PIH1D1: variants seen among roughly 807,000 people sequenced by gnomAD.
PIH1D1 encodes the protein PIH1 domain-containing protein 1.
In PIH1D1, 28 loss-of-function variants were observed where a neutral mutation model predicts 38.5. The observed-to-expected ratio is 0.73, with a 90% CI of 0.54 to 1.00. PIH1D1 has a LOEUF of 1.00. Among genes scored for constraint, PIH1D1 ranks in the 50% least tolerant of loss-of-function variants. The pLI is 0.00. For synonymous variants in PIH1D1, 155 were observed against 153.5 expected (o/e 1.01, Z -0.07); for missense variants, 343 against 369.9 (o/e 0.93, Z 0.60).
rs762937407 is a variant in PIH1D1, at chr19:49,446,647, C to T, written c.735G>A (p.Val245=). The change falls in exon 8 of 9, where the codon GTG becomes GTA. Residue 245 remains valine (V), a synonymous_variant. Coordinates refer to ENST00000262265, the MANE Select transcript of PIH1D1 (RefSeq NM_017916.3). The part of the protein sequence containing the change: ...LSLEIGENRL[V]MGGPQQLYHL... ...GATACAGCTGCTGGGGGCCCCCCAT[C>T]ACCAGGCGGTTCTCCCCGATCTCCA... 6.2e-7 allele frequency: 1 copy of T among 1,601,632 alleles called. No homozygotes were observed. Among genetic ancestry groups the T allele is most frequent in the African/African-American group, 1.3e-5 (1 of 74,398 alleles).
intron 6 of PIH1D1, 102 bp from the exon 7 acceptor site, chr19:49,447,201 C>A: frequency 6.7e-7 from 1 of 1,485,978 alleles, no homozygotes; most frequent in Non-Finnish European, 9.2e-7. Context: ...CTCAGGACGC[C>A]TTCCCAGTCA....
At chr19:49,446,816 G>A in intron 7 of PIH1D1, 122 bp from the exon 8 acceptor site, 1 of 1,208,826 alleles carries the variant, frequency 8.3e-7, no homozygotes, top group Non-Finnish European at 1.2e-6. Flanking sequence ...GGAAGAGACA[G>A]AAGACAGCAA....
intron 1 of PIH1D1, 101 bp downstream of exon 1, chr19:49,451,384 C>T: frequency 1.3e-6 from 2 of 1,536,254 alleles, no homozygotes; most frequent in Non-Finnish European, 1.8e-6. Flanking sequence ...TCCCCGAGGC[C>T]TGGTTCCCGC....
chr19:49,451,417 A>C, intron 1 of PIH1D1, 68 bp downstream of exon 1: 1 of 1,601,600 alleles, frequency 6.2e-7, no homozygotes, highest in Non-Finnish European at 8.5e-7. Flanking sequence ...TGGGAACTGC[A>C]GTCCCATCTT....
rs906842778 is a variant in PIH1D1 at position 49,449,609 on chromosome 19, T to C, written c.203A>G (p.Asn68Ser). 6.2e-7 allele frequency: 1 copy of C among 1,614,132 alleles called. No homozygotes were observed. The highest frequency in any genetic ancestry group is 8.5e-7 in the Non-Finnish European group (1 of 1,180,014). The stretch of plus-strand genomic sequence containing the variant: ...AGGGATAGAGGGGGAGTGGCAGATG[T>C]TGATGAAAACCTTCCCTTCCGAGGA... The part of the protein sequence containing the change: ...TNSSEGKVFI[N>S]ICHSPSIPPP... Residue 68 changes from asparagine to serine, a missense_variant, in exon 3 of 9, where the codon AAC (asparagine) becomes AGC (serine). Transcript: ENST00000262265.
At chr19:49,446,957 A>G in intron 7 of PIH1D1, 67 bp downstream of exon 7, 1 of 1,348,312 alleles carries the variant, frequency 7.4e-7, no homozygotes, top group Non-Finnish European at 1.1e-6. Context: ...TGTCACTCAC[A>G]CTCAGAGACA....
chr19:49,447,674 G>T, intron 5 of PIH1D1, 153 bp downstream of exon 5: 1 of 962,292 alleles, frequency 1.0e-6, no homozygotes, highest in Non-Finnish European at 1.6e-6. Flanking sequence ...AGATGTTCCT[G>T]GCCCCGCCCC....
At chr19:49,451,024 T>TA in intron 1 of PIH1D1, 176 bp from the exon 2 acceptor site, 211 of 892,514 alleles carry the variant, frequency 2.4e-4, no homozygotes, top group Non-Finnish European at 3.0e-4. Flanking sequence ...CATTCCCATT[T>TA]CTTTTTTTTT....
intron 1 of PIH1D1, 191 bp from the exon 2 acceptor site, chr19:49,451,039 T>TC: frequency 2.6e-6 from 3 of 1,165,306 alleles, no homozygotes; most frequent in Non-Finnish European, 3.5e-6. Flanking sequence ...TTTTTTTTTT[T>TC]TTTTTTTGGA....
Position 49,447,838 on chromosome 19 carries a change from T to A in PIH1D1, c.470A>T (p.Gln157Leu). The A allele has an allele frequency of 6.2e-7, 1 of 1,614,156 alleles. No homozygotes were observed. The highest frequency in any genetic ancestry group is 8.5e-7 in the Non-Finnish European group (1 of 1,179,982). ...GACCTGCCCCTCACCCGGATTCAGC[T>A]GCAAGTTGTATTTGTCCTCAAGGCC... is the stretch of plus-strand genomic sequence containing the variant. ...REGLEDKYNL[Q>L]LNPEWRMMKN... Residue 157 changes from glutamine to leucine, a missense_variant, in exon 5 of 9, where the codon CAG becomes CTG. Coordinates refer to ENST00000262265, the MANE Select transcript of PIH1D1 (RefSeq NM_017916.3).
In PIH1D1 at chr19:49,446,603, G is replaced by T. The variant is rs753878549; in HGVS notation, c.779C>A (p.Pro260Gln). ...QQLYHLDAYI[P>Q]LQINSHESKA... ...GCTCTCATGAGAGTTGATCTGCAGC[G>T]GGATATAAGCGTCTAGATGATACAG... The change falls in exon 8 of 9, where the codon CCG becomes CAG. Residue 260 changes from proline to glutamine, a missense_variant. By Grantham distance (76) the Pro-to-Gln change is moderately conservative. Transcript: ENST00000262265. The T allele has an allele frequency of 1.9e-6, 3 of 1,613,954 alleles. No homozygotes were observed. Among genetic ancestry groups the T allele is most frequent in the Non-Finnish European group, 1.7e-6 (2 of 1,179,938 alleles).
intron 7 of PIH1D1, 97 bp downstream of exon 7, chr19:49,446,927 C>G: frequency 8.3e-7 from 1 of 1,204,866 alleles, no homozygotes; most frequent in Non-Finnish European, 1.2e-6. Flanking sequence ...ACGCAACTGA[C>G]AAGTCCAGCA....
chr19:49,447,320 G>A lies in PIH1D1; in HGVS notation c.611+18C>T, dbSNP rs372938831. The A allele has an allele frequency of 1.3e-5, 21 of 1,613,602 alleles. No homozygotes were observed. Among genetic ancestry groups the A allele is most frequent in the Non-Finnish European group, 1.6e-5 (19 of 1,179,848 alleles). ...AGCGTTGAGGAAACATCAGACCGGG[G>A]ATCTACCGAAGGCCCACCCTGACTC... On this transcript the variant is annotated intron_variant, in intron 6 of 8. Transcript: ENST00000262265.
At chr19:49,449,351 G>C (rs557290552) in intron 3 of PIH1D1, 124 bp downstream of exon 3, 1 of 893,538 alleles carries the variant, frequency 1.1e-6, no homozygotes, top group Admixed American at 2.0e-5. Context: ...ATAGGGAAAA[G>C]AATCAGATCG....
At chr19:49,447,190 C>T in intron 6 of PIH1D1, 91 bp from the exon 7 acceptor site, 3 of 1,463,258 alleles carry the variant, frequency 2.1e-6, no homozygotes, top group Non-Finnish European at 2.8e-6. Flanking sequence ...GCCCTATTGG[C>T]CTCAGGACGC....
intron 6 of PIH1D1, 99 bp from the exon 7 acceptor site, chr19:49,447,198 C>T: frequency 1.4e-6 from 2 of 1,474,576 alleles, no homozygotes; most frequent in East Asian, 2.3e-5. Flanking sequence ...GGCCTCAGGA[C>T]GCCTTCCCAG....
chr19:49,449,864 G>T (rs891340271), intron 2 of PIH1D1, among the ~76,000 whole-genome samples: 1 of 148,378 alleles, frequency 6.7e-6, no homozygotes, highest in Non-Finnish European at 1.5e-5. Context: ...GCGTGATCTC[G>T]GCTCACTGCA....
In PIH1D1 at chr19:49,446,664, CG is replaced by C; in HGVS notation, c.717del (p.Ile239MetfsTer7). The C allele has an allele frequency of 6.3e-7, 1 of 1,584,506 alleles. No homozygotes were observed. Among genetic ancestry groups the C allele is most frequent in the African/African-American group, 1.4e-5 (1 of 73,944 alleles). On this transcript the variant is annotated frameshift_variant, in exon 8 of 9. Transcript: ENST00000262265. LOFTEE classifies it high-confidence loss of function. Reference sequence around the variant, plus strand: ...CCCCCCATCACCAGGCGGTTCTCCCCGATCTCCAGCGACAGCCCCAGGGCTC... The same window carrying C: ...CCCCCCATCACCAGGCGGTTCTCCCCATCTCCAGCGACAGCCCCAGGGCTC... Reference protein sequence around the residue: ...LDGALGLSLEIGENRLVMGGP... With the variant: ...LDGALGLSLEXGENRLVMGGP...
chr19:49,447,506 G>C (rs1256841409), intron 5 of PIH1D1, 39 bp from the exon 6 acceptor site: 1 of 1,600,122 alleles, frequency 6.2e-7, no homozygotes, highest in Non-Finnish European at 8.5e-7. Context: ...GTACAGGTCA[G>C]GGTTCCCTTT....
Sources: gnomAD v4.1 joint callset for allele counts (sites outside exome capture counted in the v4.1 genomes callset) on GRCh38, gnomAD v4.1.1 for gene constraint, MANE v1.5 for transcripts, NCBI Gene and HGNC (gene_info 2026-07-23, HGNC 2026-07-21) for gene names.